Variants in CNTNAP5 observed in about 807,000 individuals in gnomAD.
CNTNAP5 encodes contactin associated protein family member 5.
Under a neutral mutation model 150.2 loss-of-function variants are expected in CNTNAP5, and 72 were observed. The ratio of observed to expected loss-of-function variants is 0.48; its 90% CI spans 0.40 to 0.58. CNTNAP5 has a LOEUF of 0.58. Among genes scored for constraint, CNTNAP5 ranks in the 20% least tolerant of loss-of-function variants. CNTNAP5 has a pLI of 0.00. For synonymous variants in CNTNAP5, 672 were observed against 619.8 expected, an observed-to-expected ratio of 1.08 and a Z score of -1.25; for missense variants, 1,636 against 1,626.2, an observed-to-expected ratio of 1.01 and a Z score of -0.10.
At chr2:124,131,512 A>G (rs1176722461) in intron 1 of CNTNAP5, among the ~76,000 whole-genome samples, 1 of 152,228 alleles carries the variant, frequency 6.6e-6, no homozygotes, top group Non-Finnish European at 1.5e-5. Flanking sequence ...CTCTCCAGTC[A>G]GGAATTGGAT....
At chr2:124,166,240 T>C (rs900492388) in intron 1 of CNTNAP5, among the ~76,000 whole-genome samples, 1 of 152,198 alleles carries the variant, frequency 6.6e-6, no homozygotes, top group Non-Finnish European at 1.5e-5. Flanking sequence ...ATGGGCTGAA[T>C]GACACGGACT....
At chr2:124,049,249 AC>A (rs1216166068) in intron 1 of CNTNAP5, among the ~76,000 whole-genome samples, 1 of 152,300 alleles carries the variant, frequency 6.6e-6, no homozygotes, top group Middle Eastern at 3.4e-3. Flanking sequence ...GAGGTGGGAA[AC>A]TATTCATTGC....
intron 12 of CNTNAP5, among the ~76,000 whole-genome samples, chr2:124,638,202 TAC>T (rs1220068487): frequency 4.7e-5 from 2 of 42,584 alleles, no homozygotes; most frequent in African/African-American, 1.0e-4. Context: ...ATATATATAA[TAC>T]ATATATATGA....
At chr2:124,662,513 C>A (rs1040195545) in intron 13 of CNTNAP5, among the ~76,000 whole-genome samples, 2 of 152,156 alleles carry the variant, frequency 1.3e-5, no homozygotes, top group Admixed American at 1.3e-4. Context: ...GTGTGTATTA[C>A]AACAGCCGTT....
intron 13 of CNTNAP5, among the ~76,000 whole-genome samples, chr2:124,744,513 C>T (rs958939954): frequency 3.9e-5 from 6 of 152,154 alleles, no homozygotes; most frequent in Non-Finnish European, 7.4e-5. Context: ...TACCATGTAA[C>T]GAGCAGGAGG....
intron 19 of CNTNAP5, among the ~76,000 whole-genome samples, chr2:124,815,668 A>G (rs1258211533): frequency 6.6e-6 from 1 of 152,086 alleles, no homozygotes; most frequent in Non-Finnish European, 1.5e-5. Flanking sequence ...TGGGAAATAC[A>G]TGCTGAAAAT....
chr2:124,431,703 T>C (rs1390972206), intron 4 of CNTNAP5, among the ~76,000 whole-genome samples: 1 of 146,872 alleles, frequency 6.8e-6, no homozygotes, highest in African/African-American at 2.5e-5. Context: ...TAAATAAAAT[T>C]TAATAAATAA....
intron 21 of CNTNAP5, among the ~76,000 whole-genome samples, chr2:124,902,505 A>G (rs1172077044): frequency 6.6e-6 from 1 of 152,148 alleles, no homozygotes; most frequent in East Asian, 1.9e-4. Context: ...TGCACTAATC[A>G]CCAGTATCCA....
At chr2:124,913,877 C>T (rs1362596830) in intron 23 of CNTNAP5, among the ~76,000 whole-genome samples, 1 of 151,984 alleles carries the variant, frequency 6.6e-6, no homozygotes, top group Non-Finnish European at 1.5e-5. Context: ...TGTCTCTCGC[C>T]CCCAGTTAGT....
chr2:124,275,931 T>C (rs1378781927), intron 3 of CNTNAP5, among the ~76,000 whole-genome samples: 2 of 152,194 alleles, frequency 1.3e-5, no homozygotes, highest in African/African-American at 4.8e-5. Context: ...ATGTGACTTT[T>C]AGTTGCCCTG....
intron 17 of CNTNAP5, among the ~76,000 whole-genome samples, chr2:124,782,143 G>A (rs932793201): frequency 3.3e-5 from 5 of 152,078 alleles, no homozygotes; most frequent in Non-Finnish European, 7.4e-5. Context: ...TGTGTTATGC[G>A]TTTCCTCTGA....
chr2:124,285,571 G>A (rs1285330284), intron 3 of CNTNAP5, among the ~76,000 whole-genome samples: 2 of 152,016 alleles, frequency 1.3e-5, no homozygotes, highest in Non-Finnish European at 2.9e-5. Context: ...AAGCCGAAGA[G>A]GTTGGCTAGC....
chr2:124,910,556 T>C (rs954776538), intron 22 of CNTNAP5, among the ~76,000 whole-genome samples: 10 of 152,110 alleles, frequency 6.6e-5, no homozygotes, highest in African/African-American at 2.4e-4. Flanking sequence ...TCTTGATATT[T>C]TTCAAGCAGC....
At chr2:124,459,992 T>C (rs1047075063) in intron 6 of CNTNAP5, among the ~76,000 whole-genome samples, 9 of 152,172 alleles carry the variant, frequency 5.9e-5, no homozygotes, top group Middle Eastern at 3.2e-3. Context: ...GCTCACCTTA[T>C]GTATTGGTGC....
intron 10 of CNTNAP5, among the ~76,000 whole-genome samples, chr2:124,528,313 G>T (rs1695023455): frequency 6.6e-6 from 1 of 152,146 alleles, no homozygotes; most frequent in South Asian, 2.1e-4. Flanking sequence ...ACCCTTATTT[G>T]TCAGACACAT....
chr2:124,075,600 GC>G (rs1274373566), intron 1 of CNTNAP5, among the ~76,000 whole-genome samples: 1 of 151,914 alleles, frequency 6.6e-6, no homozygotes, highest in Non-Finnish European at 1.5e-5. Flanking sequence ...TCATTTCTTT[GC>G]TGCACTTTCA....
At chr2:124,653,852 A>G (rs1678371641) in intron 13 of CNTNAP5, among the ~76,000 whole-genome samples, 1 of 151,192 alleles carries the variant, frequency 6.6e-6, no homozygotes, top group African/African-American at 2.4e-5. Flanking sequence ...CTGAAAAAAC[A>G]GAGTTCTTGC....
chr2:124,600,761 G>A (rs986445863), intron 11 of CNTNAP5, among the ~76,000 whole-genome samples: 1 of 116,552 alleles, frequency 8.6e-6, no homozygotes, highest in Non-Finnish European at 1.9e-5. Context: ...GAGAGAGAGA[G>A]AGAGAGAAAG....
intron 20 of CNTNAP5, among the ~76,000 whole-genome samples, chr2:124,867,088 A>C (rs2104722312): frequency 6.6e-6 from 1 of 152,208 alleles, no homozygotes; most frequent in Middle Eastern, 3.4e-3. Flanking sequence ...ACCCTACTGA[A>C]GAAAATCACT....
Sources: gnomAD v4.1 joint callset for allele counts (sites outside exome capture counted in the v4.1 genomes callset) on GRCh38, gnomAD v4.1.1 for gene constraint, MANE v1.5 for transcripts, NCBI Gene and HGNC (gene_info 2026-07-23, HGNC 2026-07-21) for gene names.